The following MARCHF3 variants were observed in gnomAD, a reference collection of about 807,000 sequenced individuals.
The protein encoded by MARCHF3 is membrane associated ring-CH-type finger 3.
MARCHF3 carries 13 observed loss-of-function variants against 24.2 expected under a neutral mutation model. The ratio of observed to expected loss-of-function variants is 0.54; its 90% CI spans 0.35 to 0.85. The LOEUF (loss-of-function observed/expected upper bound fraction) is 0.85, where lower values mean the gene tolerates loss of function less well. Among genes scored for constraint, MARCHF3 ranks in the 40% least tolerant of loss-of-function variants. The pLI is 0.01. For missense variants in MARCHF3, 276 were observed against 325.0 expected, an observed-to-expected ratio of 0.85 and a Z score of 1.16; for synonymous variants, 144 against 137.3, an observed-to-expected ratio of 1.05 and a Z score of -0.34.
chr5:126,968,286 T>C (rs1183072790), intron 1 of MARCHF3, among the ~76,000 whole-genome samples: 2 of 152,248 alleles, frequency 1.3e-5, no homozygotes, highest in African/African-American at 4.8e-5. Context: ...ATGGTGACTA[T>C]TGTTTAGCTT....
chr5:126,889,077 T>C (rs1353513324), intron 3 of MARCHF3, among the ~76,000 whole-genome samples: 1 of 152,162 alleles, frequency 6.6e-6, no homozygotes, highest in Non-Finnish European at 1.5e-5. Flanking sequence ...GTATGGTCTT[T>C]TTAAACACAA....
At chr5:126,979,084 A>T (rs1170139746) in intron 1 of MARCHF3, among the ~76,000 whole-genome samples, 1 of 152,206 alleles carries the variant, frequency 6.6e-6, no homozygotes, top group Non-Finnish European at 1.5e-5. Flanking sequence ...TTGCACACGG[A>T]CTTTCCTTAA....
At position 127,003,577 on chromosome 5, in the gene MARCHF3, C is replaced by G. The variant is rs910427164; in HGVS notation, c.-57+26773G>C. Reference sequence around the variant, plus strand: ...CCATCCTGTCTAACACGGTGAAACCCCGTCTCTACTAAAAATACAAAAATT... The same window carrying G: ...CCATCCTGTCTAACACGGTGAAACCGCGTCTCTACTAAAAATACAAAAATT... On this transcript the variant is annotated intron_variant, in intron 1 of 4. Transcript: ENST00000308660. Among the ~76,000 whole-genome samples, 6 of 151,766 alleles carry G rather than the reference C, an allele frequency of 4.0e-5. No individual in the cohort carries two copies. The East Asian group carries it at 1.2e-3, about 29-fold the overall frequency.
At chr5:126,938,428 A>G (rs1036877044) in intron 1 of MARCHF3, among the ~76,000 whole-genome samples, 1 of 151,968 alleles carries the variant, frequency 6.6e-6, no homozygotes, top group Non-Finnish European at 1.5e-5. Flanking sequence ...TCGGCCTCCC[A>G]GAGTGCTGGG....
At chr5:126,908,964 G>C (rs1257600939) in intron 3 of MARCHF3, among the ~76,000 whole-genome samples, 1 of 152,232 alleles carries the variant, frequency 6.6e-6, no homozygotes, top group East Asian at 1.9e-4. Context: ...ATCTACTTTT[G>C]GTCTTTGATG....
rs138575803 is a variant in MARCHF3, at chr5:126,868,409, G to A, written c.*2224C>T. On this transcript the variant is annotated 3_prime_UTR_variant, in exon 5 of 5. Transcript: ENST00000308660. ...ACACACAATCTACTCCTTGCATCTTGGACTCTGTTTTACTTCACAGGGCAG... is the reference window on the plus strand; with the variant it reads ...ACACACAATCTACTCCTTGCATCTTAGACTCTGTTTTACTTCACAGGGCAG... The A allele has an allele frequency of 2.0e-5, 3 of 152,208 alleles. No individual in the cohort carries two copies. Among genetic ancestry groups the A allele is most frequent in the Non-Finnish European group, 2.9e-5 (2 of 68,056 alleles). The allele number at this position is 152,208 out of a possible 1,614,324, so 9.4% of individuals were successfully genotyped here.
At chr5:126,901,147 AG>A (rs1754092174) in intron 3 of MARCHF3, among the ~76,000 whole-genome samples, 1 of 152,114 alleles carries the variant, frequency 6.6e-6, no homozygotes, top group Non-Finnish European at 1.5e-5. Context: ...AGGATACCTG[AG>A]ACATTGAAAT....
chr5:126,902,549 C>T (rs536567417), intron 3 of MARCHF3, among the ~76,000 whole-genome samples: 42 of 152,224 alleles, frequency 2.8e-4, no homozygotes, highest in African/African-American at 9.9e-4. Context: ...TGGATTTTCC[C>T]TCCAAATTAA....
intron 1 of MARCHF3, among the ~76,000 whole-genome samples, chr5:126,923,862 C>T (rs1269377996): frequency 6.6e-6 from 1 of 152,128 alleles, no homozygotes; most frequent in African/African-American, 2.4e-5. Context: ...CTAGAAGGAT[C>T]CTGTGTTACC....
intron 2 of MARCHF3, among the ~76,000 whole-genome samples, chr5:126,916,767 C>G (rs1181701002): frequency 1.3e-5 from 2 of 150,508 alleles, no homozygotes; most frequent in East Asian, 3.9e-4. Context: ...TCAACCATAG[C>G]CTGCTCTTCC....
intron 1 of MARCHF3, among the ~76,000 whole-genome samples, chr5:126,957,917 A>C (rs1490836194): frequency 6.6e-6 from 1 of 152,116 alleles, no homozygotes; most frequent in Non-Finnish European, 1.5e-5. Context: ...GGAACATAGT[A>C]TTTATTCAAA....
Position 126,878,334 on chromosome 5 carries a change from A to G in MARCHF3, c.454T>C (p.Phe152Leu). 1.9e-6 allele frequency: 3 copies of G among 1,614,256 alleles called. No individual in the cohort carries two copies. The highest frequency in any genetic ancestry group is 2.5e-6 in the Non-Finnish European group (3 of 1,180,040). Residue 152 changes from phenylalanine to leucine, a missense_variant, in exon 4 of 5, where the codon TTC (phenylalanine) becomes CTC (leucine). Transcript: ENST00000308660. The part of the protein sequence containing the change: ...KRTLFGDMVC[F>L]LFITPLATIS... ...GTGGCCAGGGGAGTTATAAACAAGA[A>G]GCACACCATGTCGCCAAACAGAGTC...
Position 126,930,560 on chromosome 5 carries a change from G to C in MARCHF3, c.-56-12333C>G, listed in dbSNP as rs550570750. On this transcript the variant is annotated intron_variant, in intron 1 of 4. Coordinates refer to ENST00000308660, the MANE Select transcript of MARCHF3 (RefSeq NM_178450.5). ...CATGCCTGTATAGCTCAGGCTTTCT[G>C]ATCCAACAGGAAGCCATTCCCACCC... is the stretch of plus-strand genomic sequence containing the variant. 2.4e-4 allele frequency among the ~76,000 whole-genome samples: 36 copies of C among 152,314 alleles called. 1 individual carries two copies. The South Asian group carries it at 7.3e-3, about 31-fold the overall frequency.
At chr5:126,875,782 G>A (rs1390080953) in intron 4 of MARCHF3, among the ~76,000 whole-genome samples, 1 of 152,192 alleles carries the variant, frequency 6.6e-6, no homozygotes, top group Non-Finnish European at 1.5e-5. Flanking sequence ...AGGAGCCTGG[G>A]GCCAACACTC....
chr5:126,992,833 G>C (rs1363712630), intron 1 of MARCHF3, among the ~76,000 whole-genome samples: 1 of 145,662 alleles, frequency 6.9e-6, no homozygotes, highest in Non-Finnish European at 1.5e-5. Flanking sequence ...GTGCAGTGGC[G>C]CGATCTCTGT....
chr5:127,027,159 G>A (rs1377559533), intron 1 of MARCHF3, among the ~76,000 whole-genome samples: 1 of 152,214 alleles, frequency 6.6e-6, no homozygotes, highest in East Asian at 1.9e-4. Flanking sequence ...CTCAGTGAAA[G>A]GGGAGGTAGC....
At chr5:126,918,571 T>C (rs73335501) in intron 1 of MARCHF3, among the ~76,000 whole-genome samples, 14,604 of 152,174 alleles carry the variant, frequency 0.096, 1,588 homozygotes, top group African/African-American at 0.27. Context: ...AGCAATAAGT[T>C]TTTGTTGACA....
chr5:126,932,144 T>G (rs1408413609), intron 1 of MARCHF3, among the ~76,000 whole-genome samples: 10 of 152,252 alleles, frequency 6.6e-5, no homozygotes, highest in African/African-American at 2.2e-4. Context: ...GCTTTTGCTA[T>G]TTCTGTTCAA....
chr5:126,998,536 C>T (rs1468652245), intron 1 of MARCHF3, among the ~76,000 whole-genome samples: 1 of 152,146 alleles, frequency 6.6e-6, no homozygotes, highest in Non-Finnish European at 1.5e-5. Context: ...ACGGCTGAGG[C>T]CACACACAGA....
Sources: gnomAD v4.1 joint callset for allele counts (sites outside exome capture counted in the v4.1 genomes callset) on GRCh38, gnomAD v4.1.1 for gene constraint, MANE v1.5 for transcripts, NCBI Gene and HGNC (gene_info 2026-07-23, HGNC 2026-07-21) for gene names.